The following ACAP1 variants were observed in gnomAD, a reference collection of about 807,000 sequenced individuals.
The protein encoded by ACAP1 is arf-GAP with coiled-coil, ANK repeat and PH domain-containing protein 1.
A neutral mutation model predicts 98.8 loss-of-function variants in ACAP1; 45 were observed. The observed-to-expected ratio is 0.46, with a 90% CI of 0.36 to 0.58. The LOEUF is 0.58. Among genes scored for constraint, ACAP1 ranks in the 20% least tolerant of loss-of-function variants. The probability of loss-of-function intolerance (pLI) is 0.00; values close to 1 mark genes in which losing one functional copy is unlikely to be tolerated. For synonymous variants in ACAP1, 362 were observed against 375.3 expected, an observed-to-expected ratio of 0.96 and a Z score of 0.41; for missense variants, 735 against 971.4, an observed-to-expected ratio of 0.76 and a Z score of 3.24.
rs1357256890 is a variant in ACAP1 at position 7,343,469 on chromosome 17, C to T, written c.435C>T (p.Pro145=). 1.9e-6 allele frequency: 3 copies of T among 1,614,008 alleles called. No homozygotes were observed. In the African/African-American group the frequency reaches 4.0e-5, roughly 22 times the overall value. Residue 145 remains proline (P), a synonymous_variant, in exon 6 of 22, where the codon CCC becomes CCT. Transcript: ENST00000158762. The surrounding 1 kb of genome is among the most constrained non-coding windows in gnomAD (Gnocchi z 4.9). The stretch of plus-strand genomic sequence containing the variant: ...CCCTGACCCACAACGCAGAGGTTCC[C>T]AGGCGCCGGGCCCAGGAGGCAGAAG... ...EAALTHNAEV[P]RRRAQEAEEA... is the part of the protein sequence containing the mutation.
In ACAP1 at chr17:7,351,423, C is replaced by G. The variant is rs959376249; in HGVS notation, c.*28C>G. On this transcript the variant is annotated 3_prime_UTR_variant, in exon 22 of 22. Coordinates refer to ENST00000158762, the MANE Select transcript of ACAP1 (RefSeq NM_014716.4). ...CGAGGCCCACGGGGCCCGCGCCTGC[C>G]TCCCTTCCCCGCCACCGGGCCCTCT... The G allele has an allele frequency of 3.2e-6, 5 of 1,541,472 alleles. No individual in the cohort carries two copies. The highest frequency in any genetic ancestry group is 1.8e-5 in the Admixed American group (1 of 55,786).
Position 7,344,028 on chromosome 17 carries a change from A to G in ACAP1, c.670-21A>G. 1.9e-6 allele frequency: 3 copies of G among 1,584,214 alleles called. No individual in the cohort carries two copies. In the South Asian group the frequency reaches 3.4e-5, roughly 18 times the overall value. ...CTAACTGGGGGGCCTTGGACATCTG[A>G]GATGCCCTTCCTGTGCCCAGTTGCA... On this transcript the variant is annotated intron_variant, in intron 8 of 21. Transcript: ENST00000158762. The surrounding 1 kb of genome is among the most constrained non-coding windows in gnomAD (Gnocchi z 4.9).
Position 7,337,428 on chromosome 17 carries a change from G to C in ACAP1, c.111+59G>C, listed in dbSNP as rs2073231924. 9.5e-6 allele frequency: 14 copies of C among 1,472,308 alleles called. No individual in the cohort carries two copies. In the South Asian group the frequency reaches 1.4e-4, roughly 14 times the overall value. The allele number at this position is 1,472,308 out of a possible 1,614,324, so 91.2% of individuals were successfully genotyped here. A position where few individuals can be genotyped will look rare whatever the true frequency, so the allele number is the denominator to read the frequency against. On this transcript the variant is annotated intron_variant, in intron 2 of 21. Coordinates refer to ENST00000158762, the MANE Select transcript of ACAP1 (RefSeq NM_014716.4). Reference sequence around the variant, plus strand: ...GATTAGGTTGAGAGGGGTAGGGCCAGGGAGAAAGCTGGAGACACAGAATGC... The same window carrying C: ...GATTAGGTTGAGAGGGGTAGGGCCACGGAGAAAGCTGGAGACACAGAATGC...
chr17:7,347,790 T>A, intron 14 of ACAP1, 132 bp from the exon 15 acceptor site: 1 of 718,590 alleles, frequency 1.4e-6, no homozygotes, highest in Non-Finnish European at 2.4e-6. Context: ...GCAGCTGCCC[T>A]GCCTCCTGGG....
rs1471437284 is a variant in ACAP1 at position 7,344,614 on chromosome 17, AAACGGGCC to A, written c.822_829del (p.Arg275GlnfsTer4). On this transcript the variant is annotated frameshift_variant, in exon 10 of 22. Coordinates refer to ENST00000158762, the MANE Select transcript of ACAP1 (RefSeq NM_014716.4). LOFTEE classifies it high-confidence loss of function. The surrounding 1 kb of genome is among the most constrained non-coding windows in gnomAD (Gnocchi z 4.9). Reference sequence around the variant, plus strand: ...CCTGGTGATGGAAGGACATCTCTTCAAACGGGCCAGCAACGCATTTAAGACCTGGAGCA... The same window carrying A: ...CCTGGTGATGGAAGGACATCTCTTCAAGCAACGCATTTAAGACCTGGAGCA... The A allele has an allele frequency of 6.6e-5, 103 of 1,551,438 alleles. No homozygotes were observed. Among genetic ancestry groups the A allele is most frequent in the Non-Finnish European group, 1.7e-6 (2 of 1,146,972 alleles).
At chr17:7,341,213 C>T (rs745697476) in intron 2 of ACAP1, among the ~76,000 whole-genome samples, 1 of 152,202 alleles carries the variant, frequency 6.6e-6, no homozygotes, top group Non-Finnish European at 1.5e-5. Context: ...TGCAGTAGCG[C>T]CATCTCGGCT....
intron 14 of ACAP1, 69 bp downstream of exon 14, chr17:7,347,311 A>C (rs1051960857): frequency 3.2e-5 from 45 of 1,391,372 alleles, no homozygotes; most frequent in Non-Finnish European, 4.3e-5. Context: ...TACAGAGCGC[A>C]TCACACCGGC....
chr17:7,337,254 A>G, intron 1 of ACAP1, 58 bp from the exon 2 acceptor site: 1 of 1,550,126 alleles, frequency 6.5e-7, no homozygotes, highest in South Asian at 1.1e-5. Context: ...ATCCCGCCTG[A>G]TGAGGCAGAC....
chr17:7,344,417 T>C lies in ACAP1; in HGVS notation c.745-122T>C. 1 of 773,762 alleles carries C rather than the reference T, an allele frequency of 1.3e-6. No individual in the cohort carries two copies. Among genetic ancestry groups the C allele is most frequent in the South Asian group, 1.8e-5 (1 of 54,564 alleles). The allele number at this position is 773,762 out of a possible 1,614,324, so 47.9% of individuals were successfully genotyped here. ...AAGAACAAGACCCTGTCTCTAAAAA[T>C]AAATTTTAAAAAGTATTTCAAAAAG... On this transcript the variant is annotated intron_variant, in intron 9 of 21. Coordinates refer to ENST00000158762, the MANE Select transcript of ACAP1 (RefSeq NM_014716.4). This position sits in a 1 kb window ranked among gnomAD's most constrained non-coding sequence, Gnocchi z 4.9.
rs2073221888 is a variant in ACAP1, at chr17:7,336,641, C to G, written c.-94C>G. On this transcript the variant is annotated 5_prime_UTR_variant, in exon 1 of 22. Coordinates refer to ENST00000158762, the MANE Select transcript of ACAP1 (RefSeq NM_014716.4). ...GCGGAGGTCCCTCTCCTCCTTCCCC[C>G]TCATCTCCCCTTCCTGGGACAGAAA... The G allele has an allele frequency of 1.5e-6, 2 of 1,366,422 alleles. No individual in the cohort carries two copies. The highest frequency in any genetic ancestry group is 2.3e-5 in the East Asian group (1 of 43,656). 84.6% of individuals were successfully genotyped at this position (1,366,422 alleles called of 1,614,324 possible).
intron 1 of ACAP1, 144 bp from the exon 2 acceptor site, chr17:7,337,168 A>G: frequency 1.3e-6 from 1 of 770,990 alleles, no homozygotes; most frequent in Non-Finnish European, 2.3e-6. Context: ...GAGCGGGCAG[A>G]GCACAAGTAG....
chr17:7,346,727 C>A, intron 12 of ACAP1, 81 bp from the exon 13 acceptor site: 1 of 1,488,202 alleles, frequency 6.7e-7, no homozygotes, highest in Non-Finnish European at 9.1e-7. Flanking sequence ...TGAATACTGG[C>A]TGAATGTCAG....
intron 10 of ACAP1, chr17:7,345,450 A>C (rs1243391250): frequency 6.6e-6 from 1 of 151,586 alleles, no homozygotes; most frequent in Non-Finnish European, 1.5e-5. Context: ...CAGCATCCTA[A>C]ATAGCTGGGA....
At chr17:7,341,823 G>A in intron 2 of ACAP1, 125 bp from the exon 3 acceptor site, 1 of 1,391,690 alleles carries the variant, frequency 7.2e-7, no homozygotes, top group Non-Finnish European at 9.9e-7. Context: ...CTGGAGGGCA[G>A]TGAGGCCAGG....
Position 7,347,182 on chromosome 17 carries a change from C to T in ACAP1, c.1283C>T (p.Pro428Leu), listed in dbSNP as rs774099872. The T allele has an allele frequency of 6.2e-6, 10 of 1,613,940 alleles. No individual in the cohort carries two copies. The highest frequency in any genetic ancestry group is 2.7e-5 in the African/African-American group (2 of 74,920). ...AQCCDCREPA[P>L]EWASINLGVT... The stretch of plus-strand genomic sequence containing the variant: ...TGCTGCGACTGCCGGGAGCCAGCCC[C>T]GGAGTGGGCCAGCATCAACCTTGGT... The change falls in exon 14 of 22, where the codon CCG (proline) becomes CTG (leucine). Residue 428 changes from proline (P) to leucine (L), a missense_variant. Pro to Leu is a moderately conservative substitution (Grantham distance 98, BLOSUM62 -3). This residue lies in a region of ACAP1 where 81 missense variants were observed against 132.0 expected (regional missense o/e 0.61). Transcript: ENST00000158762.
At chr17:7,337,692 A>G (rs1311149614) in intron 2 of ACAP1, among the ~76,000 whole-genome samples, 2 of 152,016 alleles carry the variant, frequency 1.3e-5, no homozygotes, top group Admixed American at 1.3e-4. Context: ...CATCTCTACT[A>G]AAAATGCAAA....
Position 7,348,143 on chromosome 17 carries a change from G to A in ACAP1, c.1430G>A (p.Gly477Glu). Residue 477 changes from glycine to glutamate, a missense_variant, in exon 16 of 22, where the codon GGA (glycine) becomes GAA (glutamate). This residue lies in a region of ACAP1 where 81 missense variants were observed against 132.0 expected (regional missense o/e 0.61). Coordinates refer to ENST00000158762, the MANE Select transcript of ACAP1 (RefSeq NM_014716.4). ...PELVKLMCEL[G>E]NVIINQIYEA... ...CTCCTGAAGCTCATGTGTGAGCTGG[G>A]AAATGTCATCATCAACCAGATCTAT... 6.2e-7 allele frequency: 1 copy of A among 1,614,052 alleles called. No individual in the cohort carries two copies. The highest frequency in any genetic ancestry group is 8.5e-7 in the Non-Finnish European group (1 of 1,179,958).
chr17:7,336,710 C>G lies in ACAP1; in HGVS notation c.-25C>G, dbSNP rs2073222867. ...CCAGGGGCCCGGCCTCCAGGGCCCG[C>G]TGGCCCCACAGCAGGCAAGCTGAGA... On this transcript the variant is annotated 5_prime_UTR_variant, in exon 1 of 22. Transcript: ENST00000158762. The G allele has an allele frequency of 1.2e-6, 2 of 1,613,628 alleles. No homozygotes were observed. Among genetic ancestry groups the G allele is most frequent in the African/African-American group, 1.3e-5 (1 of 74,934 alleles).
intron 14 of ACAP1, 59 bp from the exon 15 acceptor site, chr17:7,347,863 A>T: frequency 3.5e-6 from 5 of 1,438,088 alleles, no homozygotes; most frequent in Non-Finnish European, 4.9e-6. Flanking sequence ...GAGCAGCAGC[A>T]GCTCCCCAGG....
Sources: allele counts gnomAD v4.1 joint callset (sites outside exome capture counted in the v4.1 genomes callset), GRCh38; gene constraint gnomAD v4.1.1; regional missense constraint gnomAD v4.1.1; non-coding constraint Gnocchi (gnomAD v3.1); transcripts MANE v1.5; gene names NCBI Gene and HGNC (gene_info 2026-07-23, HGNC 2026-07-21).